The following TRPM6 variants were observed in gnomAD, a reference collection of about 807,000 sequenced individuals.
TRPM6 encodes the protein channel kinase 2.
A neutral mutation model predicts 247.6 loss-of-function variants in TRPM6; 111 were observed. The observed-to-expected ratio is 0.45, with a 90% CI of 0.38 to 0.52. The LOEUF (loss-of-function observed/expected upper bound fraction) is 0.52. Among genes scored for constraint, TRPM6 ranks in the 20% least tolerant of loss-of-function variants. TRPM6 has a pLI of 0.00. For missense variants in TRPM6, 2,126 were observed against 2,421.5 expected (o/e 0.88, Z 2.56); for synonymous variants, 892 against 853.8 (o/e 1.04, Z -0.78).
intron 25 of TRPM6, among the ~76,000 whole-genome samples, chr9:74,768,278 C>G (rs918486576): frequency 5.3e-5 from 8 of 152,178 alleles, no homozygotes; most frequent in African/African-American, 1.9e-4. Flanking sequence ...CAGGTTTTAA[C>G]TCTCAGCTCA....
intron 36 of TRPM6, among the ~76,000 whole-genome samples, chr9:74,735,497 T>TTGA (rs1160716764): frequency 6.6e-6 from 1 of 152,010 alleles, no homozygotes; most frequent in Non-Finnish European, 1.5e-5. Context: ...AGTAGCAGAA[T>TTGA]TGATGATGAT....
At chr9:74,814,001 G>T (rs1323403729) in intron 11 of TRPM6, among the ~76,000 whole-genome samples, 1 of 152,200 alleles carries the variant, frequency 6.6e-6, no homozygotes. Context: ...GGAAGCTGAG[G>T]CAGGAGAATT....
At chr9:74,786,238 A>G in intron 20 of TRPM6, 113 bp from the exon 21 acceptor site, 1 of 1,204,182 alleles carries the variant, frequency 8.3e-7, no homozygotes, top group Non-Finnish European at 1.2e-6. Context: ...AAAACCTGCC[A>G]AACCTTAAAT....
At position 74,830,743 on chromosome 9, in the gene TRPM6, ATTTTTGTTTTTT is replaced by A. The variant is rs1162198823; in HGVS notation, c.670-2806_670-2795del. Among the ~76,000 whole-genome samples, 830 of 106,162 alleles carry A rather than the reference ATTTTTGTTTTTT, an allele frequency of 7.8e-3. 9 individuals carry two copies. Among genetic ancestry groups the A allele is most frequent in the African/African-American group, 0.029 (796 of 27,064 alleles). 69.6% of individuals were successfully genotyped at this position (106,162 alleles called of 152,430 possible). A position where few individuals can be genotyped will look rare whatever the true frequency, so the allele number is the denominator to read the frequency against. ...AGGCGTGCACCACCATGCCCAGCTA[ATTTTTGTTTTTT>A]TTTTTTTTTTTTTTTTTTTTTTTGT... is the stretch of plus-strand genomic sequence containing the variant. On this transcript the variant is annotated intron_variant, in intron 6 of 38. Transcript: ENST00000360774.
chr9:74,874,509 T>C (rs956895376), intron 1 of TRPM6, among the ~76,000 whole-genome samples: 4 of 152,186 alleles, frequency 2.6e-5, no homozygotes, highest in African/African-American at 9.7e-5. Flanking sequence ...TTTCTTTAAG[T>C]CACTGAGGAC....
At chr9:74,759,250 G>A (rs890297414) in intron 27 of TRPM6, among the ~76,000 whole-genome samples, 11 of 151,980 alleles carry the variant, frequency 7.2e-5, no homozygotes, top group Non-Finnish European at 1.3e-4. Context: ...TATAAAAATT[G>A]ACAAGCTGAT....
Position 74,789,960 on chromosome 9 carries a change from CAAAAAAAAAAAAAA to C in TRPM6, c.2539-1232_2539-1219del, listed in dbSNP as rs71368680. Among the ~76,000 whole-genome samples the C allele has an allele frequency of 1.7e-4, 11 of 65,138 alleles. 1 individual carries two copies. In the East Asian group the frequency reaches 5.4e-3, roughly 32 times the overall value. 42.7% of individuals were successfully genotyped at this position (65,138 alleles called of 152,430 possible). On this transcript the variant is annotated intron_variant, in intron 19 of 38. Transcript: ENST00000360774. ...TGGGTGACAGAGCAAGACTCCATCTCAAAAAAAAAAAAAAAAAAAAAAAAAGAAAATCAGTTGAG... is the reference window on the plus strand; with the variant it reads ...TGGGTGACAGAGCAAGACTCCATCTCAAAAAAAAAAAGAAAATCAGTTGAG...
At chr9:74,855,409 G>A in intron 3 of TRPM6, 118 bp downstream of exon 3, 1 of 787,858 alleles carries the variant, frequency 1.3e-6, no homozygotes, top group East Asian at 2.5e-5. Context: ...ACTTCCCTTG[G>A]AAAGGTAAAT....
Position 74,739,905 on chromosome 9 carries a change from C to T in TRPM6, c.5305G>A (p.Val1769Ile). The change falls in exon 34 of 39, where the codon GTA (valine) becomes ATA (isoleucine). Residue 1769 changes from valine to isoleucine, a missense_variant. Physicochemically the swap from Val to Ile is conservative, Grantham distance 29. Around this residue, in one of 3 missense-constraint regions of TRPM6, gnomAD observed 327 missense variants for 397.7 expected, o/e 0.82. Coordinates refer to ENST00000360774, the MANE Select transcript of TRPM6 (RefSeq NM_017662.5). ...CCATCCATCTCCTCTCGGGACAATA[C>T]CTGGATCATTGCCGCTCTCCCACGC... ...SQRGRAAMIQ[V>I]LSREEMDGGL... The T allele has an allele frequency of 1.2e-6, 2 of 1,614,092 alleles. No homozygotes were observed. Among genetic ancestry groups the T allele is most frequent in the Non-Finnish European group, 1.7e-6 (2 of 1,180,016 alleles).
At chr9:74,873,455 T>C (rs368968367) in intron 1 of TRPM6, among the ~76,000 whole-genome samples, 13 of 152,288 alleles carry the variant, frequency 8.5e-5, no homozygotes, top group South Asian at 6.2e-4. Flanking sequence ...GGGCAGCACA[T>C]ATACTAAAAT....
At chr9:74,729,144 T>C (rs1413490670) in intron 37 of TRPM6, among the ~76,000 whole-genome samples, 1 of 152,182 alleles carries the variant, frequency 6.6e-6, no homozygotes. Flanking sequence ...ACCAGAAACA[T>C]TTCCCAAGAA....
chr9:74,762,524 C>A lies in TRPM6; in HGVS notation c.4147G>T (p.Val1383Phe), dbSNP rs1407085515. Reference protein sequence around the residue: ...LATEQDIQTEVLVHLTGQTPV... With the variant: ...LATEQDIQTEFLVHLTGQTPV... ...GTCTGCCCAGTCAGATGAACAAGAACCTCAGTCTGGATGTCCTGTTCAGTT... is the reference window on the plus strand; with the variant it reads ...GTCTGCCCAGTCAGATGAACAAGAAACTCAGTCTGGATGTCCTGTTCAGTT... Residue 1383 changes from valine (V) to phenylalanine (F), a missense_variant, in exon 26 of 39, where the codon GTT becomes TTT. Around this residue, in one of 3 missense-constraint regions of TRPM6, gnomAD observed 717 missense variants for 715.9 expected, o/e 1.00. Coordinates refer to ENST00000360774, the MANE Select transcript of TRPM6 (RefSeq NM_017662.5). 1.9e-6 allele frequency: 3 copies of A among 1,614,032 alleles called. No homozygotes were observed. In the African/African-American group the frequency reaches 4.0e-5, roughly 22 times the overall value.
At chr9:74,775,046 A>G (rs1827171429) in intron 24 of TRPM6, among the ~76,000 whole-genome samples, 1 of 152,250 alleles carries the variant, frequency 6.6e-6, no homozygotes, top group Non-Finnish European at 1.5e-5. Flanking sequence ...ACTGCTTGAC[A>G]GGAACTACAG....
intron 3 of TRPM6, among the ~76,000 whole-genome samples, chr9:74,843,484 C>T (rs1051259892): frequency 2.0e-5 from 3 of 152,118 alleles, no homozygotes; most frequent in Non-Finnish European, 2.9e-5. Context: ...CCTACAGCAG[C>T]TAAAGTCATA....
Position 74,835,318 on chromosome 9 carries a change from T to C in TRPM6, c.545-1196A>G, listed in dbSNP as rs138586061. Among the ~76,000 whole-genome samples the C allele has an allele frequency of 7.9e-3, 1,198 of 152,288 alleles. 4 individuals are homozygous for C. Among genetic ancestry groups the C allele is most frequent in the Non-Finnish European group, 0.013 (869 of 68,014 alleles). On this transcript the variant is annotated intron_variant, in intron 5 of 38. Coordinates refer to ENST00000360774, the MANE Select transcript of TRPM6 (RefSeq NM_017662.5). ...CTTGTAAATTTGTTTAAGTTCTTTG[T>C]AGAGTTTGGATATTAGCCCTTTGAC...
chr9:74,800,603 T>C (rs535758584), intron 16 of TRPM6, 121 bp from the exon 17 acceptor site: 6 of 692,530 alleles, frequency 8.7e-6, no homozygotes, highest in Admixed American at 5.4e-5. Flanking sequence ...AAAATATCAA[T>C]TCATAAGGCT....
intron 36 of TRPM6, 88 bp downstream of exon 36, chr9:74,738,319 A>C: frequency 2.2e-5 from 30 of 1,334,348 alleles, no homozygotes; most frequent in Non-Finnish European, 3.1e-5. Context: ...AAATAGAGCA[A>C]CTCCATATAT....
In TRPM6 at chr9:74,810,786, A is replaced by G; in HGVS notation, c.1497+29T>C. 1.9e-6 allele frequency: 3 copies of G among 1,606,142 alleles called. No individual in the cohort carries two copies. The South Asian group carries it at 3.3e-5, about 18-fold the overall frequency. On this transcript the variant is annotated intron_variant, in intron 13 of 38. Coordinates refer to ENST00000360774, the MANE Select transcript of TRPM6 (RefSeq NM_017662.5). The stretch of plus-strand genomic sequence containing the variant: ...CACAAAGCTAAGGCAATACACAAAG[A>G]CATGTTCACGCCTTCTTAATTAGGT...
intron 28 of TRPM6, among the ~76,000 whole-genome samples, chr9:74,753,110 CAAA>C (rs35980332): frequency 3.8e-5 from 4 of 104,202 alleles, no homozygotes; most frequent in Admixed American, 1.1e-4. Flanking sequence ...GAGACTGTCT[CAAA>C]AAAAAAAAAA....
Sources: gnomAD v4.1 joint callset for allele counts (sites outside exome capture counted in the v4.1 genomes callset) on GRCh38, gnomAD v4.1.1 for gene constraint, gnomAD v4.1.1 regional missense constraint, MANE v1.5 for transcripts, NCBI Gene and HGNC (gene_info 2026-07-23, HGNC 2026-07-21) for gene names.